Variants in GRIA4 observed in about 807,000 individuals in gnomAD.
GRIA4 encodes glutamate ionotropic receptor AMPA type subunit 4, also known as glutamate receptor 4.
In GRIA4, 34 loss-of-function variants were observed where a neutral mutation model predicts 104.0. That is an observed-to-expected ratio of 0.33 (90% confidence interval 0.25 to 0.44). GRIA4 has a LOEUF of 0.44. Among genes scored for constraint, GRIA4 ranks in the 20% least tolerant of loss-of-function variants. The pLI is 1.00. For synonymous variants in GRIA4, 386 were observed against 381.9 expected, an observed-to-expected ratio of 1.01 and a Z score of -0.13; for missense variants, 750 against 1,096.5, an observed-to-expected ratio of 0.68 and a Z score of 4.46.
intron 3 of GRIA4, among the ~76,000 whole-genome samples, chr11:105,640,589 T>A (rs1436448218): frequency 6.6e-6 from 1 of 151,968 alleles, no homozygotes; most frequent in Non-Finnish European, 1.5e-5. Flanking sequence ...TTTATGAATG[T>A]TAGTAATTCA....
At chr11:105,937,605 G>C (rs1948079198) in intron 14 of GRIA4, among the ~76,000 whole-genome samples, 1 of 152,048 alleles carries the variant, frequency 6.6e-6, no homozygotes, top group African/African-American at 2.4e-5. Flanking sequence ...CTGGCGCTTA[G>C]AATGATTTGT....
At chr11:105,753,749 A>C (rs1454519236) in intron 4 of GRIA4, among the ~76,000 whole-genome samples, 1 of 152,144 alleles carries the variant, frequency 6.6e-6, no homozygotes, top group Non-Finnish European at 1.5e-5. Flanking sequence ...CCTTGGGTTC[A>C]ATTGATTTGC....
intron 4 of GRIA4, among the ~76,000 whole-genome samples, chr11:105,834,250 A>T (rs766429637): frequency 1.1e-4 from 17 of 152,080 alleles, no homozygotes; most frequent in Non-Finnish European, 1.8e-4. Flanking sequence ...CAATCCTTTC[A>T]TCTCTTTTTA....
chr11:105,644,812 A>G (rs1433451970), intron 3 of GRIA4, among the ~76,000 whole-genome samples: 4 of 152,176 alleles, frequency 2.6e-5, no homozygotes, highest in Admixed American at 1.3e-4. Flanking sequence ...AATTTTAAAT[A>G]ATAGGTATTA....
rs150923757 is a variant in GRIA4 at position 105,702,690 on chromosome 11, C to CTTTTT, written c.248-50288_248-50287insTTTTT. On this transcript the variant is annotated intron_variant, in intron 3 of 16. Transcript: ENST00000282499. The stretch of plus-strand genomic sequence containing the variant: ...TTATAAGATATGCAAAATTATTTTC[C>CTTTTT]TTTCTTTTTTTTTTTTTTTTTTTTG... Among the ~76,000 whole-genome samples, 90 of 96,096 alleles carry CTTTTT rather than the reference C, an allele frequency of 9.4e-4. 11 individuals are homozygous for CTTTTT. Among genetic ancestry groups the CTTTTT allele is most frequent in the Non-Finnish European group, 8.8e-4 (46 of 52,512 alleles). The allele number at this position is 96,096 out of a possible 152,430, so 63.0% of individuals were successfully genotyped here.
intron 4 of GRIA4, among the ~76,000 whole-genome samples, chr11:105,860,875 C>G (rs1234515246): frequency 6.7e-6 from 1 of 148,256 alleles, no homozygotes; most frequent in East Asian, 2.0e-4. Context: ...AGAAGAATTG[C>G]TTGAACCCAG....
At chr11:105,860,956 G>GAAAAAAAAA (rs55824302) in intron 4 of GRIA4, among the ~76,000 whole-genome samples, 1 of 106,100 alleles carries the variant, frequency 9.4e-6, no homozygotes, top group African/African-American at 3.6e-5. Flanking sequence ...AAGACTGTCT[G>GAAAAAAAAA]AAAAAAAAAA....
intron 15 of GRIA4, among the ~76,000 whole-genome samples, chr11:105,972,271 C>T (rs916746380): frequency 6.6e-5 from 10 of 152,080 alleles, no homozygotes; most frequent in Non-Finnish European, 1.3e-4. Context: ...AATAAAATTC[C>T]TTTTACATTA....
chr11:105,642,979 C>A (rs945571285), intron 3 of GRIA4, among the ~76,000 whole-genome samples: 1 of 152,102 alleles, frequency 6.6e-6, no homozygotes, highest in South Asian at 2.1e-4. Flanking sequence ...GCAAACACAA[C>A]CTTCTTCACA....
At chr11:105,917,821 T>TGTGTGC (rs1704461143) in intron 10 of GRIA4, among the ~76,000 whole-genome samples, 1 of 145,098 alleles carries the variant, frequency 6.9e-6, no homozygotes, top group African/African-American at 2.5e-5. Flanking sequence ...TAAGGGTGTG[T>TGTGTGC]GTGTGTGTGT....
At chr11:105,824,281 A>T (rs1204907332) in intron 4 of GRIA4, among the ~76,000 whole-genome samples, 2 of 152,008 alleles carry the variant, frequency 1.3e-5, no homozygotes, top group Non-Finnish European at 2.9e-5. Context: ...TCTCACTCTC[A>T]ATGGCAACCA....
chr11:105,904,037 T>C (rs546514214), intron 8 of GRIA4, 56 bp downstream of exon 8: 2 of 1,238,874 alleles, frequency 1.6e-6, no homozygotes, highest in South Asian at 1.4e-5. Flanking sequence ...TTTAACTGAA[T>C]GTTCAAAAAA....
At chr11:105,962,402 T>A (rs1455231146) in intron 14 of GRIA4, among the ~76,000 whole-genome samples, 1 of 152,186 alleles carries the variant, frequency 6.6e-6, no homozygotes, top group Non-Finnish European at 1.5e-5. Flanking sequence ...TTAGTTCCCA[T>A]AATAAAGCTT....
intron 4 of GRIA4, among the ~76,000 whole-genome samples, chr11:105,753,802 T>A (rs1015989443): frequency 3.9e-5 from 6 of 152,042 alleles, no homozygotes; most frequent in Admixed American, 2.0e-4. Flanking sequence ...TTACTTTCAT[T>A]TCCTCCTTCA....
chr11:105,751,845 G>T (rs1940017043), intron 3 of GRIA4, among the ~76,000 whole-genome samples: 1 of 152,022 alleles, frequency 6.6e-6, no homozygotes, highest in Non-Finnish European at 1.5e-5. Flanking sequence ...TTTAATTCTT[G>T]CCATATTATG....
chr11:105,731,749 C>T (rs1938602547), intron 3 of GRIA4, among the ~76,000 whole-genome samples: 2 of 151,988 alleles, frequency 1.3e-5, no homozygotes, highest in Admixed American at 1.3e-4. Flanking sequence ...AAGCTGGAAA[C>T]CATCATTCTC....
At chr11:105,676,023 A>C (rs1242147758) in intron 3 of GRIA4, among the ~76,000 whole-genome samples, 1 of 151,784 alleles carries the variant, frequency 6.6e-6, no homozygotes, top group Non-Finnish European at 1.5e-5. Context: ...ATATTAATTT[A>C]TTCAACAAGT....
chr11:105,904,101 C>G, intron 8 of GRIA4, 120 bp downstream of exon 8: 1 of 684,332 alleles, frequency 1.5e-6, no homozygotes, highest in Non-Finnish European at 2.4e-6. Flanking sequence ...TTAAATATAT[C>G]AAGCCATCAT....
chr11:105,829,479 C>G (rs1050738027), intron 4 of GRIA4, among the ~76,000 whole-genome samples: 1 of 151,942 alleles, frequency 6.6e-6, no homozygotes, highest in African/African-American at 2.4e-5. Context: ...ACAAAAGTGG[C>G]AAGGACTGCT....
Sources: allele counts gnomAD v4.1 joint callset (sites outside exome capture counted in the v4.1 genomes callset), GRCh38; gene constraint gnomAD v4.1.1; transcripts MANE v1.5; gene names NCBI Gene and HGNC (gene_info 2026-07-23, HGNC 2026-07-21).